Variants in CARMIL1 observed in about 807,000 individuals in gnomAD.
CARMIL1 encodes the protein F-actin-uncapping protein LRRC16A.
In CARMIL1, 90 loss-of-function variants were observed where a neutral mutation model predicts 177.1. That is an observed-to-expected ratio of 0.51 (90% confidence interval 0.43 to 0.61). CARMIL1 has a LOEUF of 0.61. CARMIL1 is among the 20% of genes least tolerant of loss of function. The pLI, the probability that CARMIL1 is intolerant of heterozygous loss-of-function variation, is 0.00. For synonymous variants in CARMIL1, 577 were observed against 606.2 expected, an observed-to-expected ratio of 0.95 and a Z score of 0.71; for missense variants, 1,380 against 1,667.0, an observed-to-expected ratio of 0.83 and a Z score of 3.00.
At chr6:25,619,235 G>A (rs12213398) in intron 36 of CARMIL1, among the ~76,000 whole-genome samples, 3,604 of 152,184 alleles carry the variant, frequency 0.024, 69 homozygotes, top group Non-Finnish European at 0.032. Flanking sequence ...CTGTTTTTGT[G>A]TGTGTTTTCT....
chr6:25,434,323 C>G (rs1221096564), intron 4 of CARMIL1, among the ~76,000 whole-genome samples: 1 of 152,106 alleles, frequency 6.6e-6, no homozygotes, highest in Non-Finnish European at 1.5e-5. Flanking sequence ...ACCTGTCCTC[C>G]TTTTCACAAG....
intron 32 of CARMIL1, among the ~76,000 whole-genome samples, chr6:25,597,581 GT>G (rs1221424669): frequency 1.3e-5 from 2 of 151,910 alleles, no homozygotes; most frequent in East Asian, 3.9e-4. Flanking sequence ...AGTATTCTCA[GT>G]TTTTTTTCTT....
chr6:25,470,007 A>T, intron 9 of CARMIL1, among the ~76,000 whole-genome samples: 1 of 152,206 alleles, frequency 6.6e-6, no homozygotes, highest in East Asian at 1.9e-4. Context: ...CTGTCCCCTG[A>T]AAATTTTGTT....
intron 17 of CARMIL1, among the ~76,000 whole-genome samples, chr6:25,501,361 C>A (rs1448271398): frequency 6.6e-6 from 1 of 152,136 alleles, no homozygotes; most frequent in Non-Finnish European, 1.5e-5. Flanking sequence ...CTCCTGCATG[C>A]GTGCATCAGC....
At chr6:25,542,943 C>T (rs1028962790) in intron 26 of CARMIL1, among the ~76,000 whole-genome samples, 3 of 152,102 alleles carry the variant, frequency 2.0e-5, no homozygotes, top group African/African-American at 2.4e-5. Flanking sequence ...TCAAATTTTC[C>T]TAGTTAAAAA....
rs538568612 is a variant in CARMIL1 at position 25,356,144 on chromosome 6, G to A, written c.139-63970G>A. 2.6e-3 allele frequency among the ~76,000 whole-genome samples: 387 copies of A among 150,006 alleles called. 2 individuals carry two copies. Among genetic ancestry groups the A allele is most frequent in the African/African-American group, 8.2e-3 (335 of 40,662 alleles). On this transcript the variant is annotated intron_variant, in intron 2 of 36. Coordinates refer to ENST00000329474, the MANE Select transcript of CARMIL1 (RefSeq NM_017640.6). ...ACAATCTCGGCTCACTGCAAGCTCCGCTTCCCGGGTTCACGCCATTCTCCT... is the reference window on the plus strand; with the variant it reads ...ACAATCTCGGCTCACTGCAAGCTCCACTTCCCGGGTTCACGCCATTCTCCT...
In CARMIL1 at chr6:25,389,337, CATATT is replaced by C. The variant is rs535898960; in HGVS notation, c.139-30776_139-30772del. Among the ~76,000 whole-genome samples, 417 of 152,066 alleles carry C rather than the reference CATATT, an allele frequency of 2.7e-3. 2 individuals are homozygous for C. Among genetic ancestry groups the C allele is most frequent in the African/African-American group, 9.5e-3 (393 of 41,482 alleles). On this transcript the variant is annotated intron_variant, in intron 2 of 36. Coordinates refer to ENST00000329474, the MANE Select transcript of CARMIL1 (RefSeq NM_017640.6). Reference sequence around the variant, plus strand: ...GCATAACTTTAAATCTTCTTTTAGTCATATTGTATTGTTTTCTTTTTTGAGATTTG... The same window carrying C: ...GCATAACTTTAAATCTTCTTTTAGTCGTATTGTTTTCTTTTTTGAGATTTG...
chr6:25,584,210 T>C lies in CARMIL1; in HGVS notation c.3006+2771T>C, dbSNP rs373431624. 1.7e-4 allele frequency among the ~76,000 whole-genome samples: 25 copies of C among 151,006 alleles called. No homozygotes were observed. The East Asian group carries it at 4.5e-3, about 27-fold the overall frequency. Reference sequence around the variant, plus strand: ...CACCATGCTTGGCTAATTATTTAAATATTTTTTTTTGTAGAGATGGGCTCT... The same window carrying C: ...CACCATGCTTGGCTAATTATTTAAACATTTTTTTTTGTAGAGATGGGCTCT... On this transcript the variant is annotated intron_variant, in intron 31 of 36. Coordinates refer to ENST00000329474, the MANE Select transcript of CARMIL1 (RefSeq NM_017640.6).
intron 2 of CARMIL1, among the ~76,000 whole-genome samples, chr6:25,410,617 G>A (rs6456679): frequency 1.3e-5 from 2 of 151,788 alleles, no homozygotes; most frequent in African/African-American, 2.4e-5. Context: ...GGACTTTTGC[G>A]CCCTAGGCTT....
chr6:25,515,776 T>C lies in CARMIL1; in HGVS notation c.1734T>C (p.Ile578=), dbSNP rs745726247. Residue 578 remains isoleucine (I), a synonymous_variant, in exon 21 of 37, where the codon ATT becomes ATC. Transcript: ENST00000329474. The surrounding 1 kb of genome is among the most constrained non-coding windows in gnomAD (Gnocchi z 5.0). The part of the protein sequence containing the change: ...GSNTSLTKVD[I]SGNGMGDMGA... ...ACACCTCCCTGACCAAAGTGGACATTAGCGGCAACGGAATGGGGGACATGG... is the reference window on the plus strand; with the variant it reads ...ACACCTCCCTGACCAAAGTGGACATCAGCGGCAACGGAATGGGGGACATGG... 1.2e-6 allele frequency: 2 copies of C among 1,612,128 alleles called. No individual in the cohort carries two copies. Among genetic ancestry groups the C allele is most frequent in the South Asian group, 2.2e-5 (2 of 90,362 alleles).
Position 25,581,348 on chromosome 6 carries a change from C to T in CARMIL1, c.2915C>T (p.Ser972Phe). The change falls in exon 31 of 37, where the codon TCT becomes TTT. Residue 972 changes from serine to phenylalanine, a missense_variant. By Grantham distance (155) the Ser-to-Phe change is radical. Transcript: ENST00000329474. ...GAGAAGCGGAGCTCGGGATTTATCT[C>T]TGAGTTGCCCTCTGAAGAGGGGAAG... ...RQEKRSSGFI[S>F]ELPSEEGKKL... The T allele has an allele frequency of 6.2e-7, 1 of 1,613,804 alleles. No homozygotes were observed. The highest frequency in any genetic ancestry group is 8.5e-7 in the Non-Finnish European group (1 of 1,179,842).
chr6:25,608,248 G>A (rs773324564), intron 35 of CARMIL1, among the ~76,000 whole-genome samples: 1 of 151,932 alleles, frequency 6.6e-6, no homozygotes, highest in Non-Finnish European at 1.5e-5. Flanking sequence ...CAGATATTTT[G>A]AGAGAGAGAA....
intron 1 of CARMIL1, among the ~76,000 whole-genome samples, chr6:25,281,013 T>C (rs1257328645): frequency 6.6e-6 from 1 of 152,118 alleles, no homozygotes; most frequent in Non-Finnish European, 1.5e-5. Context: ...AAACTTGATG[T>C]AGAGAGGCTG....
At chr6:25,402,957 C>T (rs1402087987) in intron 2 of CARMIL1, among the ~76,000 whole-genome samples, 1 of 152,084 alleles carries the variant, frequency 6.6e-6, no homozygotes, top group Non-Finnish European at 1.5e-5. Flanking sequence ...AGCAGGAAAG[C>T]ACAACTCCAG....
chr6:25,402,956 G>T (rs184924213), intron 2 of CARMIL1, among the ~76,000 whole-genome samples: 31 of 152,226 alleles, frequency 2.0e-4, no homozygotes, highest in African/African-American at 7.2e-4. Flanking sequence ...GAGCAGGAAA[G>T]CACAACTCCA....
chr6:25,617,544 A>T (rs1006275486), intron 36 of CARMIL1, among the ~76,000 whole-genome samples: 13 of 152,202 alleles, frequency 8.5e-5, no homozygotes, highest in Non-Finnish European at 1.9e-4. Context: ...GAGTAATTTA[A>T]TATAGAGGAA....
Position 25,500,080 on chromosome 6 carries a change from C to G in CARMIL1, c.1326-86C>G, listed in dbSNP as rs1435237935. 2.2e-5 allele frequency: 26 copies of G among 1,203,174 alleles called. No homozygotes were observed. The East Asian group carries it at 5.4e-4, about 25-fold the overall frequency. 74.5% of individuals were successfully genotyped at this position (1,203,174 alleles called of 1,614,324 possible). A position where few individuals can be genotyped will look rare whatever the true frequency, so the allele number is the denominator to read the frequency against. On this transcript the variant is annotated intron_variant, in intron 16 of 36. Transcript: ENST00000329474. ...TGATTCAGAAAAGGCAGCCTTCTTT[C>G]TCTAGGCTTTATTCAGTGTGCTTGC...
Position 25,390,320 on chromosome 6 carries a change from A to AT in CARMIL1, c.139-29775dup, listed in dbSNP as rs1287414586. 1.5e-3 allele frequency among the ~76,000 whole-genome samples: 85 copies of AT among 58,090 alleles called. 3 individuals carry two copies. The highest frequency in any genetic ancestry group is 0.015 in the Middle Eastern group (1 of 68). 38.1% of individuals were successfully genotyped at this position (58,090 alleles called of 152,430 possible). On this transcript the variant is annotated intron_variant, in intron 2 of 36. Transcript: ENST00000329474. ...TATATATATATATATATATATATAT[A>AT]TTTTTTTTTTTTTTTTTTTGAGACA...
chr6:25,418,078 T>A (rs920317375), intron 2 of CARMIL1, among the ~76,000 whole-genome samples: 6 of 152,182 alleles, frequency 3.9e-5, no homozygotes, highest in Admixed American at 3.3e-4. Flanking sequence ...GGACACAGGC[T>A]TTGGCATTAA....
Sources: allele counts gnomAD v4.1 joint callset (sites outside exome capture counted in the v4.1 genomes callset), GRCh38; gene constraint gnomAD v4.1.1; non-coding constraint Gnocchi (gnomAD v3.1); transcripts MANE v1.5; gene names NCBI Gene and HGNC (gene_info 2026-07-23, HGNC 2026-07-21).